GRID2: variants seen among roughly 807,000 people sequenced by gnomAD.
GRID2 encodes the protein glutamate ionotropic receptor delta type subunit 2, also known as glutamate receptor ionotropic, delta-2.
A neutral mutation model predicts 114.8 loss-of-function variants in GRID2; 33 were observed. The ratio of observed to expected loss-of-function variants is 0.29; its 90% CI spans 0.22 to 0.38. GRID2 has a LOEUF of 0.38. GRID2 is among the 10% of genes least tolerant of loss of function. GRID2 has a pLI of 1.00. For synonymous variants in GRID2, 505 were observed against 449.9 expected (o/e 1.12, Z -1.55); for missense variants, 1,184 against 1,257.7 (o/e 0.94, Z 0.89).
chr4:93,341,881 T>G (rs1759691640), intron 8 of GRID2, among the ~76,000 whole-genome samples: 1 of 152,170 alleles, frequency 6.6e-6, no homozygotes, highest in Non-Finnish European at 1.5e-5. Flanking sequence ...ATAGAAATAT[T>G]TTATTCTTCT....
intron 8 of GRID2, among the ~76,000 whole-genome samples, chr4:93,322,381 A>T (rs1007089286): frequency 6.6e-6 from 1 of 152,028 alleles, no homozygotes; most frequent in East Asian, 1.9e-4. Context: ...TGAACTCATC[A>T]TTTTTTATGG....
intron 2 of GRID2, among the ~76,000 whole-genome samples, chr4:93,056,422 A>G (rs1727250107): frequency 6.6e-6 from 1 of 151,928 alleles, no homozygotes; most frequent in South Asian, 2.1e-4. Flanking sequence ...TGAAGTAGGA[A>G]TATAAATGAA....
At chr4:93,021,407 T>G (rs1723271212) in intron 2 of GRID2, among the ~76,000 whole-genome samples, 1 of 150,034 alleles carries the variant, frequency 6.7e-6, no homozygotes, top group Non-Finnish European at 1.5e-5. Flanking sequence ...ATAGAGTTAT[T>G]TAACATATTT....
intron 10 of GRID2, among the ~76,000 whole-genome samples, chr4:93,446,231 G>A (rs1160754057): frequency 6.6e-6 from 1 of 151,950 alleles, no homozygotes; most frequent in African/African-American, 2.4e-5. Context: ...AGGGTTCCTG[G>A]CACAGCAAGA....
intron 1 of GRID2, among the ~76,000 whole-genome samples, chr4:92,409,671 A>G (rs1387148194): frequency 6.6e-6 from 1 of 152,210 alleles, no homozygotes; most frequent in Non-Finnish European, 1.5e-5. Flanking sequence ...TTAAATACAC[A>G]TAATAAAATA....
At chr4:92,933,203 A>C (rs1029418763) in intron 2 of GRID2, among the ~76,000 whole-genome samples, 1 of 150,880 alleles carries the variant, frequency 6.6e-6, no homozygotes, top group African/African-American at 2.4e-5. Flanking sequence ...TTTACCTCTT[A>C]ATCGGATTAC....
intron 2 of GRID2, among the ~76,000 whole-genome samples, chr4:92,945,475 A>G (rs541195153): frequency 7.9e-4 from 121 of 152,262 alleles, no homozygotes; most frequent in African/African-American, 2.8e-3. Context: ...TTTTTACAAC[A>G]TACTATTCAT....
chr4:93,725,999 T>C (rs1467499468), intron 14 of GRID2, among the ~76,000 whole-genome samples: 2 of 152,326 alleles, frequency 1.3e-5, no homozygotes, highest in South Asian at 4.1e-4. Context: ...TAGATCCCAT[T>C]TGTCAATCTT....
intron 4 of GRID2, among the ~76,000 whole-genome samples, chr4:93,121,429 T>A (rs1733774132): frequency 6.6e-6 from 1 of 152,174 alleles, no homozygotes; most frequent in South Asian, 2.1e-4. Context: ...GTGTGTACTG[T>A]TTTGTCTTTC....
At chr4:92,801,558 A>C (rs1224520852) in intron 2 of GRID2, among the ~76,000 whole-genome samples, 1 of 151,894 alleles carries the variant, frequency 6.6e-6, no homozygotes, top group Non-Finnish European at 1.5e-5. Context: ...GTTTTATTTA[A>C]TAATACATAT....
In GRID2 at chr4:93,515,292, C is replaced by A; in HGVS notation, c.2074C>A (p.Arg692Ser). The A allele has an allele frequency of 6.2e-7, 1 of 1,610,826 alleles. No homozygotes were observed. Among genetic ancestry groups the A allele is most frequent in the Non-Finnish European group, 8.5e-7 (1 of 1,177,312 alleles). ...AGACTCTGCGGTATATGAGCATGTC[C>A]GCATGAAAGGACTGAATCCTTTTGA... ...VLDSAVYEHV[R>S]MKGLNPFERD... is the part of the protein sequence containing the mutation. Residue 692 changes from arginine to serine, a missense_variant, in exon 13 of 16, where the codon CGC becomes AGC. Physicochemically the swap from Arg to Ser is moderately radical, Grantham distance 110. Coordinates refer to ENST00000282020, the MANE Select transcript of GRID2 (RefSeq NM_001510.4).
chr4:93,335,352 G>A (rs185709204), intron 8 of GRID2, among the ~76,000 whole-genome samples: 89 of 152,188 alleles, frequency 5.8e-4, no homozygotes, highest in Non-Finnish European at 1.0e-3. Flanking sequence ...TCCGGTGTGC[G>A]GTGGGAAGAA....
intron 10 of GRID2, among the ~76,000 whole-genome samples, chr4:93,423,297 T>C (rs866736900): frequency 2.6e-5 from 4 of 151,082 alleles, no homozygotes; most frequent in Middle Eastern, 3.4e-3. Flanking sequence ...GAAATCACAA[T>C]GTAAGTTACA....
At chr4:93,474,550 G>T (rs933512989) in intron 11 of GRID2, among the ~76,000 whole-genome samples, 34 of 152,030 alleles carry the variant, frequency 2.2e-4, no homozygotes, top group African/African-American at 8.2e-4. Context: ...TTTTAGTGTA[G>T]GAAGCCCATG....
chr4:92,969,251 A>G (rs1472626015), intron 2 of GRID2, among the ~76,000 whole-genome samples: 1 of 151,612 alleles, frequency 6.6e-6, no homozygotes, highest in African/African-American at 2.4e-5. Context: ...AGCAGAAGTC[A>G]CCATAAGATT....
intron 3 of GRID2, among the ~76,000 whole-genome samples, chr4:93,088,007 A>G (rs1730471197): frequency 6.6e-6 from 1 of 152,150 alleles, no homozygotes; most frequent in Admixed American, 6.6e-5. Flanking sequence ...GATGGAATCT[A>G]TGGATGGAAT....
At chr4:93,382,084 T>C (rs182168636) in intron 8 of GRID2, among the ~76,000 whole-genome samples, 3 of 152,092 alleles carry the variant, frequency 2.0e-5, no homozygotes, top group Non-Finnish European at 4.4e-5. Context: ...CATTTCTTTA[T>C]GGTTTCCAAA....
At chr4:93,434,150 A>G (rs1720841836) in intron 10 of GRID2, among the ~76,000 whole-genome samples, 1 of 152,228 alleles carries the variant, frequency 6.6e-6, no homozygotes, top group Admixed American at 6.5e-5. Flanking sequence ...CAGGAAAAAC[A>G]AATAGATCTT....
chr4:93,556,675 T>C (rs770287710), intron 13 of GRID2, among the ~76,000 whole-genome samples: 2 of 152,154 alleles, frequency 1.3e-5, no homozygotes, highest in African/African-American at 2.4e-5. Context: ...AAAAACACTC[T>C]TTAGGATATT....
Sources: allele counts gnomAD v4.1 joint callset (sites outside exome capture counted in the v4.1 genomes callset), GRCh38; gene constraint gnomAD v4.1.1; transcripts MANE v1.5; gene names NCBI Gene and HGNC (gene_info 2026-07-23, HGNC 2026-07-21).